Variants in ANO2 observed in about 807,000 individuals in gnomAD.
ANO2 encodes the protein anoctamin-2.
A neutral mutation model predicts 124.2 loss-of-function variants in ANO2; 101 were observed. The ratio of observed to expected loss-of-function variants is 0.81; its 90% CI spans 0.69 to 0.96. The LOEUF (loss-of-function observed/expected upper bound fraction) is 0.96. Ranked by LOEUF, ANO2 falls within the 40% of genes least tolerant of loss-of-function variation. ANO2 has a pLI of 0.00. For missense variants in ANO2, 1,293 were observed against 1,274.5 expected (o/e 1.01, Z -0.22); for synonymous variants, 486 against 482.5 (o/e 1.01, Z -0.09).
intron 16 of ANO2, among the ~76,000 whole-genome samples, chr12:5,626,599 C>A (rs1370134941): frequency 1.3e-5 from 2 of 152,138 alleles, no homozygotes; most frequent in African/African-American, 2.4e-5. Context: ...TTGGCCTGAC[C>A]CCTCTACCAC....
At position 5,635,254 on chromosome 12, in the gene ANO2, C is replaced by T; in HGVS notation, c.1714G>A (p.Val572Ile). Reference sequence around the variant, plus strand: ...GCTGTTGCTGTCACTGTCACCCGGACATTGGAGCGTGTAGCCTTATTGAGA... The same window carrying T: ...GCTGTTGCTGTCACTGTCACCCGGATATTGGAGCGTGTAGCCTTATTGAGA... ...LSLNKATRSN[V>I]RVTVTATAVI... The change falls in exon 16 of 25, where the codon GTC becomes ATC. Residue 572 changes from valine to isoleucine, a missense_variant. Physicochemically the swap from Val to Ile is conservative, Grantham distance 29. Coordinates refer to ENST00000682330, the MANE Select transcript of ANO2 (RefSeq NM_001364791.2). The surrounding 1 kb of genome is among the most constrained non-coding windows in gnomAD (Gnocchi z 5.2). 6.2e-7 allele frequency: 1 copy of T among 1,613,228 alleles called. No homozygotes were observed. Among genetic ancestry groups the T allele is most frequent in the Non-Finnish European group, 8.5e-7 (1 of 1,179,730 alleles).
intron 3 of ANO2, among the ~76,000 whole-genome samples, chr12:5,857,268 G>C (rs1368044041): frequency 6.6e-6 from 1 of 152,178 alleles, no homozygotes. Context: ...GAAGAGCTTG[G>C]AGCTTCCAAG....
chr12:5,929,501 C>A (rs1310426114), intron 1 of ANO2, among the ~76,000 whole-genome samples: 1 of 95,756 alleles, frequency 1.0e-5, no homozygotes, highest in Non-Finnish European at 2.1e-5. Context: ...TACTCGTCTA[C>A]CTTCTTTCCT....
chr12:5,812,471 G>GGGGA (rs1953433785), intron 7 of ANO2, among the ~76,000 whole-genome samples: 1 of 108,338 alleles, frequency 9.2e-6, no homozygotes, highest in Non-Finnish European at 1.9e-5. Context: ...AGGAAGGAAG[G>GGGGA]GGGAGGAAGG....
intron 23 of ANO2, 70 bp downstream of exon 23, chr12:5,575,764 G>T: frequency 6.6e-7 from 1 of 1,514,816 alleles, no homozygotes. Flanking sequence ...GTAATTCTAG[G>T]TCGTCCCCGT....
intron 16 of ANO2, among the ~76,000 whole-genome samples, chr12:5,622,660 G>A (rs955764627): frequency 2.6e-5 from 4 of 152,216 alleles, no homozygotes. Context: ...GCCTAGGACA[G>A]AGACTACATG....
chr12:5,815,800 T>C (rs1370960347), intron 7 of ANO2, among the ~76,000 whole-genome samples: 3 of 152,180 alleles, frequency 2.0e-5, no homozygotes, highest in African/African-American at 7.2e-5. Flanking sequence ...TTATTGTTTT[T>C]CTTGTAAGCT....
chr12:5,855,586 T>C (rs1565726476), intron 3 of ANO2, among the ~76,000 whole-genome samples: 1 of 152,174 alleles, frequency 6.6e-6, no homozygotes, highest in South Asian at 2.1e-4. Flanking sequence ...AGTTTGACAA[T>C]ATCTGAAAAT....
intron 23 of ANO2, among the ~76,000 whole-genome samples, chr12:5,572,999 A>C (rs1038792507): frequency 1.3e-5 from 2 of 152,126 alleles, no homozygotes; most frequent in Admixed American, 1.3e-4. Flanking sequence ...TCTGATCCAC[A>C]CATATTCACA....
Position 5,647,791 on chromosome 12 carries a change from T to A in ANO2, c.1556A>T (p.Asp519Val), listed in dbSNP as rs771440665. Residue 519 changes from aspartate (D) to valine (V), a missense_variant, in exon 15 of 25, where the codon GAT (aspartate) becomes GTT (valine). Transcript: ENST00000682330. ...TTECGDEDDE[D>V]KLTWKDRFPG... The stretch of plus-strand genomic sequence containing the variant: ...GAAACGATCCTTCCAGGTCAGTTTA[T>A]CTTCATCATCCTGGGGAGAAACGGG... The A allele has an allele frequency of 1.2e-6, 2 of 1,609,362 alleles. No homozygotes were observed. The highest frequency in any genetic ancestry group is 1.7e-6 in the Non-Finnish European group (2 of 1,178,026).
rs1438799150 is a variant in ANO2, at chr12:5,779,947, T to TA, written c.1055+19559dup. ...TGTGAGCCTAGGTTGATTCTCGGAC[T>TA]AAAAAAAAGTAAATGCTAAAACAGG... is the stretch of plus-strand genomic sequence containing the variant. On this transcript the variant is annotated intron_variant, in intron 10 of 24. Coordinates refer to ENST00000682330, the MANE Select transcript of ANO2 (RefSeq NM_001364791.2). Among the ~76,000 whole-genome samples the TA allele has an allele frequency of 3.9e-5, 6 of 151,956 alleles. No individual in the cohort carries two copies. The East Asian group carries it at 9.6e-4, about 24-fold the overall frequency.
chr12:5,805,014 T>C (rs1953148987), intron 9 of ANO2, among the ~76,000 whole-genome samples: 1 of 152,022 alleles, frequency 6.6e-6, no homozygotes, highest in African/African-American at 2.4e-5. Flanking sequence ...TTAAATCTGA[T>C]GCGGGACTTT....
chr12:5,652,313 T>A (rs1429200296), intron 14 of ANO2, among the ~76,000 whole-genome samples: 2 of 152,092 alleles, frequency 1.3e-5, no homozygotes, highest in Non-Finnish European at 2.9e-5. Context: ...TTCAAAGGAG[T>A]TCCCATATAC....
At chr12:5,634,214 G>A (rs569346349) in intron 16 of ANO2, among the ~76,000 whole-genome samples, 192 of 152,296 alleles carry the variant, frequency 1.3e-3, no homozygotes, top group Non-Finnish European at 1.0e-3. Context: ...AGTGCTCACC[G>A]TGGGTAGTGT....
At chr12:5,717,336 G>A (rs1253999047) in intron 14 of ANO2, among the ~76,000 whole-genome samples, 1 of 152,220 alleles carries the variant, frequency 6.6e-6, no homozygotes, top group African/African-American at 2.4e-5. Flanking sequence ...GAATTGCATA[G>A]CAGAGGTTCT....
At chr12:5,906,894 C>T (rs1021904922) in intron 3 of ANO2, among the ~76,000 whole-genome samples, 4 of 152,128 alleles carry the variant, frequency 2.6e-5, no homozygotes, top group Admixed American at 6.6e-5. Flanking sequence ...ATCCATTCAG[C>T]GGCAAGCATA....
intron 3 of ANO2, among the ~76,000 whole-genome samples, chr12:5,884,008 A>T (rs1236264063): frequency 6.6e-6 from 1 of 152,232 alleles, no homozygotes; most frequent in African/African-American, 2.4e-5. Flanking sequence ...AGTCACAGAA[A>T]AGTTAAAAAT....
chr12:5,917,558 CTTTTTTCTT>C (rs748592975), intron 3 of ANO2, among the ~76,000 whole-genome samples: 8 of 104,406 alleles, frequency 7.7e-5, no homozygotes, highest in Non-Finnish European at 7.0e-5. Flanking sequence ...TTATTATTCT[CTTTTTTCTT>C]TTTTTTTTTT....
At chr12:5,913,329 G>A (rs10466913) in intron 3 of ANO2, among the ~76,000 whole-genome samples, 49,133 of 152,060 alleles carry the variant, frequency 0.32, 9,066 homozygotes, top group African/African-American at 0.5. Context: ...TGAGGTGATG[G>A]ACTGATCTGG....
Sources: allele counts gnomAD v4.1 joint callset (sites outside exome capture counted in the v4.1 genomes callset), GRCh38; gene constraint gnomAD v4.1.1; non-coding constraint Gnocchi (gnomAD v3.1); transcripts MANE v1.5; gene names NCBI Gene and HGNC (gene_info 2026-07-23, HGNC 2026-07-21).